Variants in MROH2A observed in about 807,000 individuals in gnomAD.
The protein encoded by MROH2A is maestro heat-like repeat-containing protein family member 2A.
In MROH2A, 174 loss-of-function variants were observed where a neutral mutation model predicts 200.4. That is an observed-to-expected ratio of 0.87 (90% confidence interval 0.77 to 0.98). The LOEUF is 0.98. Among genes scored for constraint, MROH2A ranks in the 50% least tolerant of loss-of-function variants. The probability of loss-of-function intolerance (pLI) is 0.00; values close to 1 mark genes in which losing one functional copy is unlikely to be tolerated. For missense variants in MROH2A, 2,045 were observed against 2,139.6 expected (o/e 0.96, Z 0.87); for synonymous variants, 829 against 840.4 (o/e 0.99, Z 0.23).
rs1232646071 is a variant in MROH2A, at chr2:233,807,662, C to T, written c.2173-71C>T. The T allele has an allele frequency of 4.5e-6, 7 of 1,546,910 alleles. 1 individual carries two copies. The highest frequency in any genetic ancestry group is 1.7e-4 in the Middle Eastern group (1 of 5,760). On this transcript the variant is annotated intron_variant, in intron 20 of 41. Coordinates refer to ENST00000389758, the MANE Select transcript of MROH2A (RefSeq NM_001394639.1). The surrounding 1 kb of genome is among the most constrained non-coding windows in gnomAD (Gnocchi z 4.3). The stretch of plus-strand genomic sequence containing the variant: ...TGTGTACATGTGTGTGTGCCTTGCA[C>T]GTGTGTGTGTGGGATCCTCCTCTGC...
Position 233,805,081 on chromosome 2 carries a change from T to C in MROH2A, c.2022T>C (p.Ile674=), listed in dbSNP as rs1475229933. 3.2e-6 allele frequency: 5 copies of C among 1,549,964 alleles called. No individual in the cohort carries two copies. The highest frequency in any genetic ancestry group is 4.4e-6 in the Non-Finnish European group (5 of 1,146,664). Residue 674 remains isoleucine, a synonymous_variant, in exon 19 of 42, where the codon ATT becomes ATC. Transcript: ENST00000389758. ...LRLSKELNNQ[I]ASFDSPSLEK... is the part of the protein sequence containing the mutation. ...TGAGTAAAGAGCTGAACAACCAGAT[T>C]GCGAGCTTTGACAGCCCCTCTCTGG... is the stretch of plus-strand genomic sequence containing the variant.
rs562315257 is a variant in MROH2A at position 233,799,671 on chromosome 2, G to T, written c.1330-109G>T. 5.8e-6 allele frequency: 8 copies of T among 1,377,474 alleles called. No individual in the cohort carries two copies. In the East Asian group the frequency reaches 1.8e-4, roughly 30 times the overall value. 85.3% of individuals were successfully genotyped at this position (1,377,474 alleles called of 1,614,324 possible). ...TGGGCAGTAATCAGGTAGTCCCTGAGGCCCCTTCTAGCCCAGAGCACCCCC... is the reference window on the plus strand; with the variant it reads ...TGGGCAGTAATCAGGTAGTCCCTGATGCCCCTTCTAGCCCAGAGCACCCCC... On this transcript the variant is annotated intron_variant, in intron 12 of 41. Coordinates refer to ENST00000389758, the MANE Select transcript of MROH2A (RefSeq NM_001394639.1).
intron 3 of MROH2A, among the ~76,000 whole-genome samples, chr2:233,781,789 C>A (rs1367714385): frequency 6.6e-6 from 1 of 152,146 alleles, no homozygotes; most frequent in Non-Finnish European, 1.5e-5. Flanking sequence ...CACAAAAAAT[C>A]TTTGCACAAA....
chr2:233,790,021 G>A lies in MROH2A; in HGVS notation c.571+7G>A, dbSNP rs1265628620. ...AAGCTGGCCAACGGCAATGGTAGGG[G>A]CTTGAGGGCCCTCAGCCGGGCCCAG... On this transcript the variant is annotated splice_region_variant and intron_variant, in intron 5 of 41. Coordinates refer to ENST00000389758, the MANE Select transcript of MROH2A (RefSeq NM_001394639.1). 1 of 1,540,816 alleles carries A rather than the reference G, an allele frequency of 6.5e-7. No homozygotes were observed. The highest frequency in any genetic ancestry group is 1.2e-5 in the South Asian group (1 of 82,960).
intron 3 of MROH2A, among the ~76,000 whole-genome samples, chr2:233,784,960 A>G (rs1289916497): frequency 6.6e-6 from 1 of 152,098 alleles, no homozygotes; most frequent in East Asian, 1.9e-4. Context: ...AGCCTGACCA[A>G]TGTGGTAAAA....
At chr2:233,796,913 A>C (rs1015445421) in intron 11 of MROH2A, among the ~76,000 whole-genome samples, 13 of 152,180 alleles carry the variant, frequency 8.5e-5, no homozygotes, top group African/African-American at 2.7e-4. Flanking sequence ...CTGCCATTAA[A>C]CCTTTCTCTT....
intron 21 of MROH2A, 38 bp from the exon 22 acceptor site, chr2:233,809,088 G>C: frequency 2.6e-6 from 4 of 1,530,816 alleles, no homozygotes; most frequent in South Asian, 1.2e-5. Flanking sequence ...AGCAGCCCCT[G>C]CTGCCCCCAG....
intron 11 of MROH2A, among the ~76,000 whole-genome samples, chr2:233,796,904 T>C (rs1212140307): frequency 3.3e-5 from 5 of 152,246 alleles, no homozygotes; most frequent in African/African-American, 1.2e-4. Flanking sequence ...GGCCTTGTGC[T>C]GCCATTAAAC....
chr2:233,803,525 A>G, intron 16 of MROH2A, 37 bp downstream of exon 16: 1 of 1,548,900 alleles, frequency 6.5e-7, no homozygotes, highest in Non-Finnish European at 8.7e-7. Context: ...TGGCCTGGCA[A>G]GGCCATGCCC....
At chr2:233,804,983 C>T (rs1009987369) in intron 18 of MROH2A, 21 bp from the exon 19 acceptor site, 16 of 1,497,352 alleles carry the variant, frequency 1.1e-5, no homozygotes, top group Non-Finnish European at 1.5e-5. Context: ...CCCTTCTCAC[C>T]AACGTCTTGT....
intron 8 of MROH2A, among the ~76,000 whole-genome samples, chr2:233,795,319 G>T (rs1238568604): frequency 6.6e-6 from 1 of 152,016 alleles, no homozygotes; most frequent in Non-Finnish European, 1.5e-5. Flanking sequence ...AGCAAGGAGT[G>T]GAAAGGGATG....
At chr2:233,800,176 G>C in intron 13 of MROH2A, 29 bp from the exon 14 acceptor site, 2 of 1,488,366 alleles carry the variant, frequency 1.3e-6, no homozygotes, top group Non-Finnish European at 1.8e-6. Flanking sequence ...CTAGGCCACA[G>C]GTGGGAATCC....
rs187554036 is a variant in MROH2A, at chr2:233,804,261, A to C, written c.1891+69A>C. 7.3e-4 allele frequency: 1,113 copies of C among 1,528,108 alleles called. 4 individuals carry two copies. The highest frequency in any genetic ancestry group is 3.1e-3 in the Admixed American group (154 of 50,268). The allele number at this position is 1,528,108 out of a possible 1,614,324, so 94.7% of individuals were successfully genotyped here. A position where few individuals can be genotyped will look rare whatever the true frequency, so the allele number is the denominator to read the frequency against. ...GTGTATGTGCTGGGGTTCTAATCACATGACTTGAATAACGAGAGCTGAGGC... is the reference window on the plus strand; with the variant it reads ...GTGTATGTGCTGGGGTTCTAATCACCTGACTTGAATAACGAGAGCTGAGGC... On this transcript the variant is annotated intron_variant, in intron 17 of 41. Coordinates refer to ENST00000389758, the MANE Select transcript of MROH2A (RefSeq NM_001394639.1).
Position 233,828,319 on chromosome 2 carries a change from GA to G in MROH2A, c.4114-310del, listed in dbSNP as rs1172826890. ...CATGTTTTTTGTGCCTTTCTGTTCA[GA>G]TGCAGGTGGGCGTGGCTCTTGCATT... On this transcript the variant is annotated intron_variant, in intron 35 of 41. Coordinates refer to ENST00000389758, the MANE Select transcript of MROH2A (RefSeq NM_001394639.1). The surrounding 1 kb of genome is among the most constrained non-coding windows in gnomAD (Gnocchi z 4.6). Among the ~76,000 whole-genome samples the G allele has an allele frequency of 2.6e-5, 4 of 152,210 alleles. No homozygotes were observed. Among genetic ancestry groups the G allele is most frequent in the African/African-American group, 9.7e-5 (4 of 41,440 alleles).
At chr2:233,788,008 T>TATATTATATATATAC (rs1553628635) in intron 3 of MROH2A, among the ~76,000 whole-genome samples, 15 of 82,010 alleles carry the variant, frequency 1.8e-4, no homozygotes, top group African/African-American at 8.5e-4. Flanking sequence ...TATATATACA[T>TATATTATATATATAC]ATATATTATA....
chr2:233,830,859 C>T (rs1704687623), intron 38 of MROH2A, among the ~76,000 whole-genome samples: 1 of 152,226 alleles, frequency 6.6e-6, no homozygotes, highest in Non-Finnish European at 1.5e-5. Flanking sequence ...GTCTTCAGCC[C>T]ACACTGTTCT....
chr2:233,793,618 G>T, intron 6 of MROH2A, 55 bp from the exon 7 acceptor site: 3 of 1,330,494 alleles, frequency 2.3e-6, no homozygotes, highest in South Asian at 2.2e-5. Flanking sequence ...GGGAAGGCTT[G>T]GTTCTGCTTC....
Position 233,787,628 on chromosome 2 carries a change from AT to A in MROH2A, c.277-1867del, listed in dbSNP as rs1436480491. Among the ~76,000 whole-genome samples the A allele has an allele frequency of 5.4e-5, 3 of 55,900 alleles. 1 individual carries two copies. Among genetic ancestry groups the A allele is most frequent in the Non-Finnish European group, 8.5e-5 (3 of 35,150 alleles). 36.7% of individuals were successfully genotyped at this position (55,900 alleles called of 152,430 possible). ...TTATATATATCATATATACATATAT[AT>A]TATATATATTATATATATCATATAT... On this transcript the variant is annotated intron_variant, in intron 3 of 41. Coordinates refer to ENST00000389758, the MANE Select transcript of MROH2A (RefSeq NM_001394639.1).
At position 233,820,470 on chromosome 2, in the gene MROH2A, G is replaced by A. The variant is rs914918040; in HGVS notation, c.3512+414G>A. On this transcript the variant is annotated intron_variant, in intron 31 of 41. Coordinates refer to ENST00000389758, the MANE Select transcript of MROH2A (RefSeq NM_001394639.1). The surrounding 1 kb of genome is among the most constrained non-coding windows in gnomAD (Gnocchi z 4.1). The stretch of plus-strand genomic sequence containing the variant: ...CAAAATGTGTCCTAAGAGGGGAAGC[G>A]ACTTGTCCCAGTCTCCAAGGGGAGA... Among the ~76,000 whole-genome samples the A allele has an allele frequency of 6.6e-6, 1 of 152,162 alleles. No homozygotes were observed. Among genetic ancestry groups the A allele is most frequent in the South Asian group, 2.1e-4 (1 of 4,836 alleles).
Sources: gnomAD v4.1 joint callset for allele counts (sites outside exome capture counted in the v4.1 genomes callset) on GRCh38, gnomAD v4.1.1 for gene constraint, Gnocchi (gnomAD v3.1) non-coding constraint, MANE v1.5 for transcripts, NCBI Gene and HGNC (gene_info 2026-07-23, HGNC 2026-07-21) for gene names.